The following CAMTA1 variants were observed in gnomAD, a reference collection of about 807,000 sequenced individuals.
The protein encoded by CAMTA1 is calmodulin binding transcription activator 1.
Under a neutral mutation model 170.9 loss-of-function variants are expected in CAMTA1, and 27 were observed. That is an observed-to-expected ratio of 0.16 (90% CI 0.12 to 0.22). CAMTA1 has a LOEUF of 0.22. Ranked by LOEUF, CAMTA1 falls within the 10% of genes least tolerant of loss-of-function variation. CAMTA1 has a pLI of 1.00. For missense variants in CAMTA1, 1,619 were observed against 2,217.2 expected, an observed-to-expected ratio of 0.73 and a Z score of 5.42; for synonymous variants, 833 against 891.5, an observed-to-expected ratio of 0.93 and a Z score of 1.17.
At chr1:7,020,438 C>A (rs7536251) in intron 3 of CAMTA1, among the ~76,000 whole-genome samples, 36,454 of 152,116 alleles carry the variant, frequency 0.24, 4,548 homozygotes, top group Middle Eastern at 0.35. Context: ...AGGCTATCCC[C>A]TCTAGGTTTG....
intron 11 of CAMTA1, among the ~76,000 whole-genome samples, chr1:7,731,008 G>A (rs776439158): frequency 3.0e-4 from 45 of 151,904 alleles, no homozygotes; most frequent in Non-Finnish European, 5.1e-4. Context: ...TGAAGCGAGC[G>A]TGGGCATGAT....
intron 11 of CAMTA1, among the ~76,000 whole-genome samples, chr1:7,731,723 A>G (rs1488025469): frequency 6.6e-6 from 1 of 152,126 alleles, no homozygotes; most frequent in Non-Finnish European, 1.5e-5. Flanking sequence ...AAACAAAAAC[A>G]AAAATTAGCT....
intron 3 of CAMTA1, among the ~76,000 whole-genome samples, chr1:6,886,688 C>G (rs919076659): frequency 4.6e-5 from 7 of 152,202 alleles, no homozygotes; most frequent in African/African-American, 1.7e-4. Flanking sequence ...TGAGACAGAA[C>G]CCTCCACACC....
At chr1:6,923,186 G>A (rs571421516) in intron 3 of CAMTA1, among the ~76,000 whole-genome samples, 41 of 152,258 alleles carry the variant, frequency 2.7e-4, no homozygotes, top group Non-Finnish European at 4.1e-4. Context: ...CTTGTTGAGC[G>A]CTTGCTGTGT....
intron 11 of CAMTA1, among the ~76,000 whole-genome samples, chr1:7,684,503 C>G (rs1320192408): frequency 6.6e-6 from 1 of 152,128 alleles, no homozygotes; most frequent in Non-Finnish European, 1.5e-5. Flanking sequence ...AGGGAGGGAC[C>G]CTCTCTGGCC....
At chr1:6,996,517 C>G (rs556525404) in intron 3 of CAMTA1, among the ~76,000 whole-genome samples, 14 of 152,226 alleles carry the variant, frequency 9.2e-5, no homozygotes, top group African/African-American at 3.4e-4. Flanking sequence ...TTGGTGTTCT[C>G]CCTCTGTGGC....
At chr1:7,397,273 C>T (rs1277068405) in intron 5 of CAMTA1, among the ~76,000 whole-genome samples, 4 of 151,994 alleles carry the variant, frequency 2.6e-5, no homozygotes, top group Admixed American at 1.3e-4. Context: ...CAATTTGTTG[C>T]CATATAGTTG....
At chr1:6,856,276 T>TG (rs1296919680) in intron 3 of CAMTA1, among the ~76,000 whole-genome samples, 1 of 150,336 alleles carries the variant, frequency 6.7e-6, no homozygotes, top group Non-Finnish European at 1.5e-5. Context: ...ATGGAACCAG[T>TG]GTTTTTTTTT....
rs1036640084 is a variant in CAMTA1 at position 7,641,480 on chromosome 1, C to T, written c.664+927C>T. Among the ~76,000 whole-genome samples the T allele has an allele frequency of 1.3e-5, 2 of 152,110 alleles. No homozygotes were observed. The highest frequency in any genetic ancestry group is 2.4e-5 in the African/African-American group (1 of 41,422). On this transcript the variant is annotated intron_variant, in intron 7 of 22. Coordinates refer to ENST00000303635, the MANE Select transcript of CAMTA1 (RefSeq NM_015215.4). The surrounding 1 kb of genome is among the most constrained non-coding windows in gnomAD (Gnocchi z 4.5). The stretch of plus-strand genomic sequence containing the variant: ...CGGGGGGACTGAAATATTCTTTCTG[C>T]GGCTGGGAGGAAAGGTGAAGGTCCT...
Position 7,416,931 on chromosome 1 carries a change from G to T in CAMTA1, c.439-50899G>T, listed in dbSNP as rs2091217233. 3.3e-5 allele frequency among the ~76,000 whole-genome samples: 5 copies of T among 152,238 alleles called. No individual in the cohort carries two copies. The South Asian group carries it at 1.0e-3, about 32-fold the overall frequency. On this transcript the variant is annotated intron_variant, in intron 5 of 22. Coordinates refer to ENST00000303635, the MANE Select transcript of CAMTA1 (RefSeq NM_015215.4). ...TTTGATGATGGTGATGTACAGATGG[G>T]TTTTTGGTGTGGATGTCCTTTCTGT... is the stretch of plus-strand genomic sequence containing the variant.
chr1:7,076,425 A>G (rs1639312944), intron 3 of CAMTA1, among the ~76,000 whole-genome samples: 1 of 152,226 alleles, frequency 6.6e-6, no homozygotes, highest in African/African-American at 2.4e-5. Context: ...AGGTGACACA[A>G]TATGAGCTTT....
At chr1:7,493,450 C>T (rs1388420588) in intron 6 of CAMTA1, among the ~76,000 whole-genome samples, 2 of 151,608 alleles carry the variant, frequency 1.3e-5, no homozygotes, top group African/African-American at 4.9e-5. Context: ...CATACAAACA[C>T]ACGTGCAAAC....
At chr1:6,975,002 G>C (rs932469908) in intron 3 of CAMTA1, among the ~76,000 whole-genome samples, 1 of 152,188 alleles carries the variant, frequency 6.6e-6, no homozygotes, top group Non-Finnish European at 1.5e-5. Flanking sequence ...TTTTTGGACA[G>C]ATTATCCTGC....
At chr1:7,758,248 T>C (rs899007602) in intron 22 of CAMTA1, among the ~76,000 whole-genome samples, 6 of 152,190 alleles carry the variant, frequency 3.9e-5, no homozygotes, top group African/African-American at 1.4e-4. Flanking sequence ...TAAGAGCACA[T>C]TTTCAGAAGG....
intron 3 of CAMTA1, among the ~76,000 whole-genome samples, chr1:6,838,397 C>T (rs1176772599): frequency 6.6e-6 from 1 of 152,230 alleles, no homozygotes; most frequent in Non-Finnish European, 1.5e-5. Context: ...GTCTAAGGGG[C>T]GAGTGAGGGT....
At chr1:6,816,383 T>G (rs1645815089) in intron 1 of CAMTA1, among the ~76,000 whole-genome samples, 1 of 152,216 alleles carries the variant, frequency 6.6e-6, no homozygotes, top group Admixed American at 6.5e-5. Context: ...TGTTCAGTGC[T>G]GTGTCCCAGC....
Position 7,102,023 on chromosome 1 carries a change from AACACACACACACACACACACACACAC to A in CAMTA1, c.302+10674_302+10699del, listed in dbSNP as rs57209159. 4.5e-3 allele frequency among the ~76,000 whole-genome samples: 671 copies of A among 148,650 alleles called. 3 individuals are homozygous for A. Among genetic ancestry groups the A allele is most frequent in the Middle Eastern group, 0.017 (5 of 294 alleles). On this transcript the variant is annotated intron_variant, in intron 4 of 22. Transcript: ENST00000303635. ...CATGTACACACATGCATAAATACAC[AACACACACACACACACACACACACAC>A]ACACACACACACACACACACAGCTT... is the stretch of plus-strand genomic sequence containing the variant.
chr1:6,886,200 T>C (rs567688095), intron 3 of CAMTA1: 92 of 455,520 alleles, frequency 2.0e-4, no homozygotes, highest in South Asian at 6.4e-4. Flanking sequence ...ATAAGTGTTT[T>C]GGAGGAAGAG....
rs34752156 is a variant in CAMTA1 at position 7,718,554 on chromosome 1, C to CT, written c.2915-13874dup. On this transcript the variant is annotated intron_variant, in intron 11 of 22. Coordinates refer to ENST00000303635, the MANE Select transcript of CAMTA1 (RefSeq NM_015215.4). ...TTCATCTCCAGGTCTCATTACAGCA[C>CT]TTTTTTTTTTTTTTTTTTTTGAGAC... Among the ~76,000 whole-genome samples the CT allele has an allele frequency of 8.3e-3, 1,022 of 123,524 alleles. 20 individuals are homozygous for CT. The highest frequency in any genetic ancestry group is 0.032 in the East Asian group (136 of 4,284). The allele number at this position is 123,524 out of a possible 152,430, so 81.0% of individuals were successfully genotyped here. A position where few individuals can be genotyped will look rare whatever the true frequency, so the allele number is the denominator to read the frequency against.
Sources: allele counts gnomAD v4.1 joint callset (sites outside exome capture counted in the v4.1 genomes callset), GRCh38; gene constraint gnomAD v4.1.1; non-coding constraint Gnocchi (gnomAD v3.1); transcripts MANE v1.5; gene names NCBI Gene and HGNC (gene_info 2026-07-23, HGNC 2026-07-21).